L3MBTL4: variants seen among roughly 807,000 people sequenced by gnomAD.
L3MBTL4 encodes lethal(3)malignant brain tumor-like protein 4.
In L3MBTL4, 70 loss-of-function variants were observed where a neutral mutation model predicts 84.5. The observed-to-expected ratio is 0.83, with a 90% confidence interval of 0.68 to 1.01. The LOEUF (loss-of-function observed/expected upper bound fraction) is 1.01, where lower values mean the gene tolerates loss of function less well. L3MBTL4 is among the 50% of genes least tolerant of loss of function. L3MBTL4 has a pLI of 0.00. For synonymous variants in L3MBTL4, 274 were observed against 259.8 expected (o/e 1.05, Z -0.52); for missense variants, 715 against 754.8 (o/e 0.95, Z 0.62).
At chr18:6,285,205 C>G (rs965712068) in intron 4 of L3MBTL4, among the ~76,000 whole-genome samples, 7 of 152,190 alleles carry the variant, frequency 4.6e-5, no homozygotes, top group Non-Finnish European at 1.0e-4. Flanking sequence ...GATGGTGGAG[C>G]CCACGTGGGA....
intron 16 of L3MBTL4, among the ~76,000 whole-genome samples, chr18:6,021,497 G>T (rs550192844): frequency 6.6e-6 from 1 of 152,328 alleles, no homozygotes; most frequent in East Asian, 1.9e-4. Context: ...GACACAATCT[G>T]TTGGAAGCAC....
At chr18:5,967,105 T>G (rs2052389325) in intron 17 of L3MBTL4, among the ~76,000 whole-genome samples, 2 of 152,230 alleles carry the variant, frequency 1.3e-5, no homozygotes, top group South Asian at 4.1e-4. Context: ...ACTTTCCGCA[T>G]AAGAACCCAG....
intron 14 of L3MBTL4, among the ~76,000 whole-genome samples, chr18:6,124,030 G>A (rs769831266): frequency 4.9e-4 from 74 of 152,250 alleles, no homozygotes; most frequent in Admixed American, 8.5e-4. Context: ...TGATGAAGAT[G>A]GTAAGAACAG....
chr18:6,392,885 C>T (rs1200783076), intron 1 of L3MBTL4, among the ~76,000 whole-genome samples: 3 of 152,060 alleles, frequency 2.0e-5, no homozygotes, highest in Non-Finnish European at 4.4e-5. Context: ...GACACAAAGA[C>T]ATATAGAGTG....
At chr18:6,314,063 T>C (rs1461784332) in intron 1 of L3MBTL4, among the ~76,000 whole-genome samples, 4 of 149,750 alleles carry the variant, frequency 2.7e-5, no homozygotes, top group African/African-American at 9.7e-5. Flanking sequence ...GATAGATAGA[T>C]AGATAGATAG....
At chr18:6,127,007 T>A (rs1327406934) in intron 14 of L3MBTL4, among the ~76,000 whole-genome samples, 1 of 152,226 alleles carries the variant, frequency 6.6e-6, no homozygotes, top group Non-Finnish European at 1.5e-5. Context: ...GGTGCTTTCC[T>A]GGCATGATAA....
At position 6,414,717 on chromosome 18, in the gene L3MBTL4, G is replaced by C. The variant is rs1390542514; in HGVS notation, c.-91+84C>G. ...GTGCAGGCCCCTCTACCTGCCCGGGGATGGGGCCACCCCGCGCGGCGGCGG... is the reference window on the plus strand; with the variant it reads ...GTGCAGGCCCCTCTACCTGCCCGGGCATGGGGCCACCCCGCGCGGCGGCGG... On this transcript the variant is annotated intron_variant, in intron 1 of 18. Transcript: ENST00000317931. This position sits in a 1 kb window ranked among gnomAD's most constrained non-coding sequence, Gnocchi z 5.4. 1.3e-5 allele frequency: 2 copies of C among 151,904 alleles called. No individual in the cohort carries two copies. Among genetic ancestry groups the C allele is most frequent in the African/African-American group, 4.8e-5 (2 of 41,412 alleles). 9.4% of individuals were successfully genotyped at this position (151,904 alleles called of 1,614,324 possible). A position where few individuals can be genotyped will look rare whatever the true frequency, so the allele number is the denominator to read the frequency against.
chr18:6,232,574 T>C (rs2047042157), intron 10 of L3MBTL4, among the ~76,000 whole-genome samples: 1 of 152,014 alleles, frequency 6.6e-6, no homozygotes, highest in Non-Finnish European at 1.5e-5. Context: ...TAGAATATTT[T>C]AATAAAATAA....
chr18:6,395,270 A>G (rs2055223457), intron 1 of L3MBTL4: 1 of 152,180 alleles, frequency 6.6e-6, no homozygotes, highest in African/African-American at 2.4e-5. Flanking sequence ...ATATGGGCAA[A>G]TGATCATTAT....
At chr18:6,114,772 T>C (rs2059306303) in intron 14 of L3MBTL4, among the ~76,000 whole-genome samples, 1 of 152,216 alleles carries the variant, frequency 6.6e-6, no homozygotes, top group Non-Finnish European at 1.5e-5. Context: ...TTGGTTTCCA[T>C]CCACTGGTGT....
intron 16 of L3MBTL4, among the ~76,000 whole-genome samples, chr18:5,976,733 T>A (rs2052952634): frequency 6.6e-6 from 1 of 152,182 alleles, no homozygotes; most frequent in Non-Finnish European, 1.5e-5. Context: ...GTTGAGTGGA[T>A]GAATGAAGGC....
At chr18:6,161,752 T>C (rs993347358) in intron 13 of L3MBTL4, among the ~76,000 whole-genome samples, 1 of 152,154 alleles carries the variant, frequency 6.6e-6, no homozygotes, top group African/African-American at 2.4e-5. Flanking sequence ...GGTTCCTTCC[T>C]GGGCTCACCC....
chr18:5,959,522 A>G (rs1251420793), intron 18 of L3MBTL4, among the ~76,000 whole-genome samples: 1 of 152,194 alleles, frequency 6.6e-6, no homozygotes, highest in Non-Finnish European at 1.5e-5. Context: ...AGTTCAGTAC[A>G]TTCCCAACCA....
chr18:6,267,632 A>T (rs1471143348), intron 4 of L3MBTL4, among the ~76,000 whole-genome samples: 3 of 152,266 alleles, frequency 2.0e-5, no homozygotes, highest in African/African-American at 7.2e-5. Flanking sequence ...TGTGTTCTTT[A>T]AAAGATTGCA....
chr18:6,089,304 G>T lies in L3MBTL4; in HGVS notation c.1373+4051C>A, dbSNP rs114773572. Reference sequence around the variant, plus strand: ...AAAACGTGCTCAAGACGGACATTTTGTATTATATATAGTATAAATAAGAAA... The same window carrying T: ...AAAACGTGCTCAAGACGGACATTTTTTATTATATATAGTATAAATAAGAAA... On this transcript the variant is annotated intron_variant, in intron 15 of 18. Coordinates refer to ENST00000317931, the MANE Select transcript of L3MBTL4 (RefSeq NM_001330559.2). 5.9e-3 allele frequency among the ~76,000 whole-genome samples: 901 copies of T among 152,200 alleles called. 8 individuals carry two copies. Among genetic ancestry groups the T allele is most frequent in the African/African-American group, 0.02 (828 of 41,520 alleles).
At chr18:6,145,345 G>A (rs2042602541) in intron 13 of L3MBTL4, among the ~76,000 whole-genome samples, 1 of 152,072 alleles carries the variant, frequency 6.6e-6, no homozygotes, top group African/African-American at 2.4e-5. Flanking sequence ...TTCTAAGAAT[G>A]TACTCTCTTC....
At position 5,993,465 on chromosome 18, in the gene L3MBTL4, C is replaced by T. The variant is rs532669141; in HGVS notation, c.1445-23903G>A. Reference sequence around the variant, plus strand: ...AGAGCATATGCCCACTATTTTGGGTCGTGAAACAGCTTTTGGTATTTCACT... The same window carrying T: ...AGAGCATATGCCCACTATTTTGGGTTGTGAAACAGCTTTTGGTATTTCACT... On this transcript the variant is annotated intron_variant, in intron 16 of 18. Transcript: ENST00000317931. Among the ~76,000 whole-genome samples the T allele has an allele frequency of 5.3e-5, 8 of 152,272 alleles. No homozygotes were observed. The South Asian group carries it at 6.2e-4, about 12-fold the overall frequency.
At chr18:6,207,594 T>C (rs2045927573) in intron 12 of L3MBTL4, among the ~76,000 whole-genome samples, 1 of 152,134 alleles carries the variant, frequency 6.6e-6, no homozygotes, top group South Asian at 2.1e-4. Context: ...CTGGAATTCA[T>C]GGCTGACACT....
rs186596292 is a variant in L3MBTL4, at chr18:6,101,832, A to G, written c.1200-8304T>C. Among the ~76,000 whole-genome samples, 90 of 152,360 alleles carry G rather than the reference A, an allele frequency of 5.9e-4. 1 individual carries two copies. Among genetic ancestry groups the G allele is most frequent in the Admixed American group, 2.4e-3 (37 of 15,308 alleles). ...TCACATTGCAGAAGCATTCCAGAAG[A>G]AGGAGCCATTATTTCTTTCTTCCTT... On this transcript the variant is annotated intron_variant, in intron 14 of 18. Transcript: ENST00000317931.
Sources: allele counts gnomAD v4.1 joint callset (sites outside exome capture counted in the v4.1 genomes callset), GRCh38; gene constraint gnomAD v4.1.1; non-coding constraint Gnocchi (gnomAD v3.1); transcripts MANE v1.5; gene names NCBI Gene and HGNC (gene_info 2026-07-23, HGNC 2026-07-21).